Variants in KCNK3 observed in about 807,000 individuals in gnomAD.
The protein encoded by KCNK3 is potassium two pore domain channel subfamily K member 3.
Under a neutral mutation model 27.3 loss-of-function variants are expected in KCNK3, and 9 were observed. The observed-to-expected ratio is 0.33, with a 90% confidence interval of 0.20 to 0.57. The LOEUF is 0.57. Ranked by LOEUF, KCNK3 falls within the 20% of genes least tolerant of loss-of-function variation. KCNK3 has a pLI of 0.87. For missense variants in KCNK3, 391 were observed against 577.7 expected (o/e 0.68, Z 3.31); for synonymous variants, 278 against 273.8 (o/e 1.02, Z -0.15).
intron 1 of KCNK3, among the ~76,000 whole-genome samples, chr2:26,704,931 C>G (rs1250082634): frequency 2.0e-5 from 3 of 152,190 alleles, no homozygotes; most frequent in Non-Finnish European, 4.4e-5. Flanking sequence ...CTCATCCAAT[C>G]CTCATGGCTG....
intron 1 of KCNK3, among the ~76,000 whole-genome samples, chr2:26,725,534 C>G (rs1663401332): frequency 6.6e-6 from 1 of 152,176 alleles, no homozygotes; most frequent in Non-Finnish European, 1.5e-5. Context: ...GCCTGGAGGA[C>G]AGGGAAGGAC....
chr2:26,700,130 G>A (rs916559058), intron 1 of KCNK3, among the ~76,000 whole-genome samples: 4 of 152,190 alleles, frequency 2.6e-5, no homozygotes, highest in African/African-American at 9.6e-5. Flanking sequence ...AATCCTCTCA[G>A]TTCACAGTTT....
At position 26,730,379 on chromosome 2, in the gene KCNK3, G is replaced by A; in HGVS notation, c.*1811G>A. On this transcript the variant is annotated 3_prime_UTR_variant, in exon 2 of 2. Transcript: ENST00000302909. ...GAGGTGCCCTCTGCCCACCACACCTGCAACCCAGAAGCCCAGATGGAACGC... is the reference window on the plus strand; with the variant it reads ...GAGGTGCCCTCTGCCCACCACACCTACAACCCAGAAGCCCAGATGGAACGC... 6.6e-6 allele frequency: 1 copy of A among 152,360 alleles called. No homozygotes were observed. Among genetic ancestry groups the A allele is most frequent in the East Asian group, 1.9e-4 (1 of 5,182 alleles). 9.4% of individuals were successfully genotyped at this position (152,360 alleles called of 1,614,324 possible).
intron 1 of KCNK3, among the ~76,000 whole-genome samples, chr2:26,720,910 T>G (rs925534366): frequency 3.3e-5 from 5 of 152,114 alleles, no homozygotes; most frequent in Admixed American, 2.0e-4. Context: ...TGAGACCCGG[T>G]GGTTCCCAGG....
chr2:26,727,992 C>T lies in KCNK3; in HGVS notation c.609C>T (p.Gly203=), dbSNP rs752561027. 8.1e-6 allele frequency: 13 copies of T among 1,614,138 alleles called. No homozygotes were observed. The highest frequency in any genetic ancestry group is 1.1e-5 in the Non-Finnish European group (13 of 1,180,050). The change falls in exon 2 of 2, where the codon GGC becomes GGT. Residue 203 remains glycine (G), a synonymous_variant. Transcript: ENST00000302909. ...TCACCCTCACCACCATCGGCTTCGG[C>T]GACTACGTGGCGCTGCAGAAGGACC... is the stretch of plus-strand genomic sequence containing the variant. ...CFITLTTIGF[G]DYVALQKDQA...
intron 1 of KCNK3, among the ~76,000 whole-genome samples, chr2:26,708,305 C>T (rs1348629327): frequency 6.6e-6 from 1 of 152,080 alleles, no homozygotes; most frequent in Admixed American, 6.6e-5. Context: ...CTGTGGCATG[C>T]TGAGTGAAGT....
intron 1 of KCNK3, among the ~76,000 whole-genome samples, chr2:26,716,317 A>T (rs1410178073): frequency 1.3e-5 from 2 of 152,340 alleles, no homozygotes. Context: ...AATAGAATGT[A>T]TAGAGATTGC....
intron 1 of KCNK3, among the ~76,000 whole-genome samples, chr2:26,714,916 A>AATAG (rs1553386046): frequency 6.8e-6 from 1 of 146,908 alleles, no homozygotes; most frequent in Non-Finnish European, 1.5e-5. Flanking sequence ...TAAATAAATA[A>AATAG]GGAGGGATGC....
intron 1 of KCNK3, among the ~76,000 whole-genome samples, chr2:26,706,975 G>T (rs1040254547): frequency 6.6e-6 from 1 of 152,096 alleles, no homozygotes; most frequent in Non-Finnish European, 1.5e-5. Flanking sequence ...TGTTGCACCT[G>T]CCCTGGCCTC....
intron 1 of KCNK3, among the ~76,000 whole-genome samples, chr2:26,712,670 T>A (rs1187652547): frequency 8.0e-6 from 1 of 124,358 alleles, no homozygotes; most frequent in Non-Finnish European, 1.7e-5. Flanking sequence ...TGTTGGAGTG[T>A]GTGTGTGTGT....
At chr2:26,703,210 A>G (rs1156502092) in intron 1 of KCNK3, among the ~76,000 whole-genome samples, 4 of 152,078 alleles carry the variant, frequency 2.6e-5, no homozygotes, top group African/African-American at 9.7e-5. Context: ...CTTCAGCAGT[A>G]CTCTTATGGC....
At chr2:26,724,860 A>G (rs1219820852) in intron 1 of KCNK3, among the ~76,000 whole-genome samples, 1 of 151,744 alleles carries the variant, frequency 6.6e-6, no homozygotes, top group African/African-American at 2.4e-5. Context: ...GAGGCGAAGG[A>G]GGGCCACGAG....
At chr2:26,694,101 C>T (rs1275980) in intron 1 of KCNK3, among the ~76,000 whole-genome samples, 73,665 of 151,996 alleles carry the variant, frequency 0.48, 20,469 homozygotes, top group Admixed American at 0.65. Flanking sequence ...CTGTCCCCAA[C>T]ACCCTATGAT....
At chr2:26,700,782 A>G (rs1670298321) in intron 1 of KCNK3, among the ~76,000 whole-genome samples, 2 of 151,124 alleles carry the variant, frequency 1.3e-5, no homozygotes, top group Admixed American at 1.3e-4. Context: ...TCATCATCAT[A>G]TCTCTCTCTC....
chr2:26,708,614 G>A lies in KCNK3; in HGVS notation c.283+15456G>A, dbSNP rs1312589830. Among the ~76,000 whole-genome samples, 3 of 152,324 alleles carry A rather than the reference G, an allele frequency of 2.0e-5. No individual in the cohort carries two copies. The East Asian group carries it at 5.8e-4, about 29-fold the overall frequency. Reference sequence around the variant, plus strand: ...GAAGCTCTTGAACCTGGGAGGCGGAGGTTGCAGCGAGCCGAGATCGCGCTA... The same window carrying A: ...GAAGCTCTTGAACCTGGGAGGCGGAAGTTGCAGCGAGCCGAGATCGCGCTA... On this transcript the variant is annotated intron_variant, in intron 1 of 1. Transcript: ENST00000302909.
intron 1 of KCNK3, among the ~76,000 whole-genome samples, chr2:26,720,222 T>C (rs1025823470): frequency 6.6e-6 from 1 of 152,182 alleles, no homozygotes; most frequent in African/African-American, 2.4e-5. Flanking sequence ...GCCACTGCAC[T>C]CTAGCCTGGG....
At chr2:26,700,751 T>TCAC (rs1382889478) in intron 1 of KCNK3, among the ~76,000 whole-genome samples, 62 of 148,534 alleles carry the variant, frequency 4.2e-4, no homozygotes, top group East Asian at 1.2e-3. Flanking sequence ...ATCATCACCA[T>TCAC]CATCATCATC....
chr2:26,698,606 C>A (rs1266747097), intron 1 of KCNK3, among the ~76,000 whole-genome samples: 1 of 152,232 alleles, frequency 6.6e-6, no homozygotes, highest in East Asian at 1.9e-4. Context: ...ACTGCTCTGT[C>A]TCCCAAGGGT....
At chr2:26,715,146 G>A (rs1350389444) in intron 1 of KCNK3, among the ~76,000 whole-genome samples, 2 of 152,218 alleles carry the variant, frequency 1.3e-5, no homozygotes, top group Non-Finnish European at 2.9e-5. Context: ...CTTGTCCCCT[G>A]GCTCAGACAT....
Sources: allele counts gnomAD v4.1 joint callset (sites outside exome capture counted in the v4.1 genomes callset), GRCh38; gene constraint gnomAD v4.1.1; transcripts MANE v1.5; gene names NCBI Gene and HGNC (gene_info 2026-07-23, HGNC 2026-07-21).